CD1B: variants seen among roughly 807,000 people sequenced by gnomAD.
CD1B encodes the protein CD1b molecule.
In CD1B, 43 loss-of-function variants were observed where a neutral mutation model predicts 39.8. That is an observed-to-expected ratio of 1.08 (90% CI 0.85 to 1.39). CD1B has a LOEUF of 1.39. CD1B is among the 40% of genes most tolerant of loss of function. CD1B has a pLI of 0.00. For synonymous variants in CD1B, 192 were observed against 152.5 expected (o/e 1.26, Z -1.91); for missense variants, 495 against 403.8 (o/e 1.23, Z -1.94).
the CD1B span, among the ~76,000 whole-genome samples, chr1:158,319,490 C>T: frequency 6.6e-6 from 1 of 152,232 alleles, no homozygotes; most frequent in East Asian, 1.9e-4. Context: ...TCACGTAGTT[C>T]TTGAGCCTTG....
chr1:158,327,606 G>A (rs900891910), downstream of CD1B, among the ~76,000 whole-genome samples: 1 of 152,180 alleles, frequency 6.6e-6, no homozygotes, highest in African/African-American at 2.4e-5. Context: ...TCTTGCCAGA[G>A]ATCTACAAAT....
the CD1B span, chr1:158,293,100 G>A: frequency 1.0e-6 from 1 of 963,730 alleles, no homozygotes; most frequent in Admixed American, 2.1e-5. Flanking sequence ...GACTGAAATA[G>A]GATAACTGAT....
chr1:158,290,130 GA>G, the CD1B span: 2 of 1,613,398 alleles, frequency 1.2e-6, no homozygotes, highest in South Asian at 2.2e-5. Flanking sequence ...CAGACGGTAA[GA>G]ACATCGCTGT....
the CD1B span, among the ~76,000 whole-genome samples, chr1:158,315,139 C>T: frequency 2.0e-5 from 3 of 151,936 alleles, no homozygotes; most frequent in Admixed American, 6.6e-5. Flanking sequence ...GTCTTTATAG[C>T]AGCATGATTT....
chr1:158,317,997 T>C, the CD1B span, among the ~76,000 whole-genome samples: 26 of 152,332 alleles, frequency 1.7e-4, no homozygotes, highest in African/African-American at 5.8e-4. Context: ...TAATTCTGAG[T>C]TCTAATTTGA....
chr1:158,329,755 A>G (rs764428700), intron 3 of CD1B, 97 bp downstream of exon 3: 156 of 1,557,344 alleles, frequency 1.0e-4, no homozygotes, highest in Non-Finnish European at 1.3e-4. Flanking sequence ...CTCCTTTGGG[A>G]ACCAAATAAC....
downstream of CD1B, among the ~76,000 whole-genome samples, chr1:158,325,024 A>G (rs1652304282): frequency 6.6e-6 from 1 of 152,192 alleles, no homozygotes; most frequent in Non-Finnish European, 1.5e-5. Context: ...AGAATGCCAT[A>G]TAAAGCATTC....
the CD1B span, chr1:158,293,616 A>G: frequency 6.3e-6 from 10 of 1,593,126 alleles, no homozygotes; most frequent in Non-Finnish European, 8.6e-6. Flanking sequence ...ATAAAAACCA[A>G]ATTCTAATTT....
chr1:158,325,063 A>G (rs181032402), downstream of CD1B, among the ~76,000 whole-genome samples: 24 of 152,230 alleles, frequency 1.6e-4, no homozygotes, highest in Admixed American at 1.4e-3. Flanking sequence ...AAATAAATAG[A>G]AAGAATAACT....
At chr1:158,303,038 A>G in the CD1B span, among the ~76,000 whole-genome samples, 4,570 of 152,308 alleles carry the variant, frequency 0.03, 97 homozygotes, top group Non-Finnish European at 0.044. Flanking sequence ...CCTCAACAAA[A>G]TATTAGCAAA....
At chr1:158,317,642 G>A in the CD1B span, among the ~76,000 whole-genome samples, 2 of 151,844 alleles carry the variant, frequency 1.3e-5, no homozygotes, top group African/African-American at 2.4e-5. Flanking sequence ...TTTTTGAAGG[G>A]TTTTTGTGTC....
At chr1:158,299,783 T>A in the CD1B span, among the ~76,000 whole-genome samples, 1 of 152,052 alleles carries the variant, frequency 6.6e-6, no homozygotes, top group Non-Finnish European at 1.5e-5. Context: ...CAGAGATGTT[T>A]ATATTATCCT....
At chr1:158,319,033 G>T in the CD1B span, among the ~76,000 whole-genome samples, 3 of 151,772 alleles carry the variant, frequency 2.0e-5, no homozygotes, top group African/African-American at 4.8e-5. Context: ...CAAGAGATCC[G>T]CTGTTAGTCT....
At chr1:158,326,446 C>T (rs4275455), downstream of CD1B, among the ~76,000 whole-genome samples, 1,994 of 152,078 alleles carry the variant, frequency 0.013, 88 homozygotes, top group Admixed American at 0.093. Context: ...AGATTAAAAA[C>T]GGTTTATGAA....
At chr1:158,310,148 C>A in the CD1B span, among the ~76,000 whole-genome samples, 1 of 152,156 alleles carries the variant, frequency 6.6e-6, no homozygotes, top group East Asian at 1.9e-4. Context: ...GGTTAGAGAA[C>A]CCAGAAATAA....
At chr1:158,298,055 G>T in the CD1B span, among the ~76,000 whole-genome samples, 4 of 152,032 alleles carry the variant, frequency 2.6e-5, no homozygotes, top group Admixed American at 1.3e-4. Context: ...CAAAAAATCT[G>T]TCAAGCATAC....
the CD1B span, among the ~76,000 whole-genome samples, chr1:158,314,896 A>G: frequency 1.4e-5 from 2 of 146,506 alleles, no homozygotes; most frequent in South Asian, 4.4e-4. Context: ...TATGAGTGAG[A>G]ATATGCGGTG....
At chr1:158,294,171 A>G in the CD1B span, among the ~76,000 whole-genome samples, 1 of 152,242 alleles carries the variant, frequency 6.6e-6, no homozygotes, top group Non-Finnish European at 1.5e-5. Flanking sequence ...AGTGGTGCAG[A>G]TATGTCACAG....
At chr1:158,324,415 G>A (rs1316916229), downstream of CD1B, among the ~76,000 whole-genome samples, 1 of 151,984 alleles carries the variant, frequency 6.6e-6, no homozygotes, top group Non-Finnish European at 1.5e-5. Context: ...GATATGAGTG[G>A]GTTACCTCCT....
Sources: allele counts gnomAD v4.1 joint callset (sites outside exome capture counted in the v4.1 genomes callset), GRCh38; gene constraint gnomAD v4.1.1; transcripts MANE v1.5; gene names NCBI Gene and HGNC (gene_info 2026-07-23, HGNC 2026-07-21).